Variants in NR3C2 observed in about 807,000 individuals in gnomAD.
NR3C2 encodes nuclear receptor subfamily 3 group C member 2.
In NR3C2, 15 loss-of-function variants were observed where a neutral mutation model predicts 86.4. That is an observed-to-expected ratio of 0.17 (90% CI 0.12 to 0.27). The LOEUF (loss-of-function observed/expected upper bound fraction) is 0.27, where lower values mean the gene tolerates loss of function less well. Among genes scored for constraint, NR3C2 ranks in the 10% least tolerant of loss-of-function variants. NR3C2 has a pLI of 1.00. For synonymous variants in NR3C2, 458 were observed against 450.5 expected (o/e 1.02, Z -0.21); for missense variants, 960 against 1,195.6 (o/e 0.80, Z 2.91).
chr4:148,261,780 A>G (rs1223852635), intron 2 of NR3C2, among the ~76,000 whole-genome samples: 1 of 152,202 alleles, frequency 6.6e-6, no homozygotes, highest in African/African-American at 2.4e-5. Context: ...GTTACAGTGA[A>G]GATTTATTTT....
chr4:148,418,596 T>C (rs72658652), intron 2 of NR3C2, among the ~76,000 whole-genome samples: 2 of 152,212 alleles, frequency 1.3e-5, no homozygotes, highest in Admixed American at 1.3e-4. Context: ...TCTTAGGTCA[T>C]ACTCTCATAT....
At chr4:148,339,098 G>C (rs1744630304) in intron 2 of NR3C2, among the ~76,000 whole-genome samples, 3 of 152,158 alleles carry the variant, frequency 2.0e-5, no homozygotes, top group Admixed American at 1.3e-4. Context: ...AGAGAATGCA[G>C]GATTCCACCA....
intron 4 of NR3C2, among the ~76,000 whole-genome samples, chr4:148,156,390 T>C (rs2149769804): frequency 6.6e-6 from 1 of 151,650 alleles, no homozygotes; most frequent in Admixed American, 6.6e-5. Context: ...ATCCAGAATC[T>C]ACAATGAACT....
chr4:148,194,667 A>G, intron 4 of NR3C2, 79 bp downstream of exon 4: 1 of 971,052 alleles, frequency 1.0e-6, no homozygotes, highest in South Asian at 1.3e-5. Context: ...CTTCGTTTTC[A>G]ATTTTGAGAG....
At chr4:148,177,648 A>C (rs1242568911) in intron 4 of NR3C2, among the ~76,000 whole-genome samples, 1 of 152,236 alleles carries the variant, frequency 6.6e-6, no homozygotes, top group Non-Finnish European at 1.5e-5. Flanking sequence ...AACTTTGAGA[A>C]AAGTCTGAGG....
At chr4:148,331,436 C>T (rs889994509) in intron 2 of NR3C2, among the ~76,000 whole-genome samples, 4 of 152,150 alleles carry the variant, frequency 2.6e-5, no homozygotes, top group African/African-American at 4.8e-5. Flanking sequence ...GTAAATATTA[C>T]ATTTAATGGC....
chr4:148,276,741 G>A (rs2163172), intron 2 of NR3C2, among the ~76,000 whole-genome samples: 77,339 of 152,016 alleles, frequency 0.51, 21,064 homozygotes, highest in African/African-American at 0.71. Flanking sequence ...GTGTACTACA[G>A]TCTCCTATTG....
chr4:148,172,687 C>G (rs1735189877), intron 4 of NR3C2, among the ~76,000 whole-genome samples: 1 of 152,152 alleles, frequency 6.6e-6, no homozygotes, highest in Admixed American at 6.5e-5. Context: ...ATTCAATAAG[C>G]ATTTATTAAG....
chr4:148,420,404 T>A (rs1344189401), intron 2 of NR3C2, among the ~76,000 whole-genome samples: 1 of 152,212 alleles, frequency 6.6e-6, no homozygotes, highest in African/African-American at 2.4e-5. Flanking sequence ...CCAAGAGTAC[T>A]GACTAATCAT....
intron 2 of NR3C2, among the ~76,000 whole-genome samples, chr4:148,332,007 C>G (rs1243118959): frequency 6.6e-6 from 1 of 152,032 alleles, no homozygotes; most frequent in Non-Finnish European, 1.5e-5. Flanking sequence ...GAGAATCATT[C>G]CATAAACTCT....
rs1750035906 is a variant in NR3C2 at position 148,435,902 on chromosome 4, G to T, written c.959C>A (p.Ser320Tyr). ...VSSPSNTNNR[S>Y]TLSSPAASTV... ...ACTGGCTGCCGGACTGGAAAGCGTGGATCTGTTATTAGTGTTCGAAGGGCT... is the reference window on the plus strand; with the variant it reads ...ACTGGCTGCCGGACTGGAAAGCGTGTATCTGTTATTAGTGTTCGAAGGGCT... The change falls in exon 2 of 9, where the codon TCC becomes TAC. Residue 320 changes from serine to tyrosine, a missense_variant. Around this residue, in one of 4 missense-constraint regions of NR3C2, gnomAD observed 680 missense variants for 719.0 expected, o/e 0.95. Transcript: ENST00000358102. 1.2e-6 allele frequency: 2 copies of T among 1,614,074 alleles called. No individual in the cohort carries two copies. Among genetic ancestry groups the T allele is most frequent in the Non-Finnish European group, 1.7e-6 (2 of 1,180,034 alleles).
In NR3C2 at chr4:148,395,959, T is replaced by C. The variant is rs149215140; in HGVS notation, c.1757+39145A>G. 9.2e-5 allele frequency among the ~76,000 whole-genome samples: 14 copies of C among 152,362 alleles called. No homozygotes were observed. The East Asian group carries it at 2.3e-3, about 25-fold the overall frequency. On this transcript the variant is annotated intron_variant, in intron 2 of 8. Transcript: ENST00000358102. ...TACAGGCAGCTAGAGGTGGAAGCTA[T>C]ACTTGGGACAAGGCATTCCACTATG...
At chr4:148,399,591 A>G (rs1748035845) in intron 2 of NR3C2, among the ~76,000 whole-genome samples, 2 of 151,404 alleles carry the variant, frequency 1.3e-5, no homozygotes, top group Admixed American at 6.6e-5. Flanking sequence ...GGAAAATAAA[A>G]ATTTTCAAGA....
At chr4:148,357,480 T>C (rs750347110) in intron 2 of NR3C2, among the ~76,000 whole-genome samples, 7 of 152,286 alleles carry the variant, frequency 4.6e-5, no homozygotes, top group Admixed American at 6.5e-5. Context: ...TACATCTCTT[T>C]TAATATGGTA....
chr4:148,165,502 C>A (rs1282401330), intron 4 of NR3C2, among the ~76,000 whole-genome samples: 1 of 152,088 alleles, frequency 6.6e-6, no homozygotes, highest in Admixed American at 6.5e-5. Flanking sequence ...AAATAAATTA[C>A]TTATGACTAC....
chr4:148,417,787 C>G (rs1357184478), intron 2 of NR3C2, among the ~76,000 whole-genome samples: 1 of 152,086 alleles, frequency 6.6e-6, no homozygotes, highest in Non-Finnish European at 1.5e-5. Flanking sequence ...GATTTAAATC[C>G]CTAACAGGGT....
chr4:148,380,013 A>G (rs890789520), intron 2 of NR3C2, among the ~76,000 whole-genome samples: 2 of 152,266 alleles, frequency 1.3e-5, no homozygotes, highest in Non-Finnish European at 2.9e-5. Flanking sequence ...ATATTTTAAA[A>G]AATGTAATTA....
At chr4:148,277,206 TA>T (rs1260328545) in intron 2 of NR3C2, among the ~76,000 whole-genome samples, 2 of 152,196 alleles carry the variant, frequency 1.3e-5, no homozygotes, top group Non-Finnish European at 2.9e-5. Flanking sequence ...GTCTCATAAA[TA>T]AAAGCTTAAA....
intron 3 of NR3C2, among the ~76,000 whole-genome samples, chr4:148,251,240 T>C (rs775087070): frequency 7.2e-5 from 11 of 152,120 alleles, no homozygotes; most frequent in Non-Finnish European, 1.3e-4. Flanking sequence ...ATTACAGGCG[T>C]GAGCCACCGC....
Sources: gnomAD v4.1 joint callset for allele counts (sites outside exome capture counted in the v4.1 genomes callset) on GRCh38, gnomAD v4.1.1 for gene constraint, gnomAD v4.1.1 regional missense constraint, MANE v1.5 for transcripts, NCBI Gene and HGNC (gene_info 2026-07-23, HGNC 2026-07-21) for gene names.